Variants in SNRPA observed in about 807,000 individuals in gnomAD.
SNRPA encodes the protein small nuclear ribonucleoprotein polypeptide A.
Under a neutral mutation model 24.5 loss-of-function variants are expected in SNRPA, and 10 were observed. The ratio of observed to expected loss-of-function variants is 0.41; its 90% CI spans 0.25 to 0.69. The LOEUF (loss-of-function observed/expected upper bound fraction) is 0.69, where lower values mean the gene tolerates loss of function less well. SNRPA is among the 30% of genes least tolerant of loss of function. The pLI is 0.33. For missense variants in SNRPA, 283 were observed against 394.7 expected (o/e 0.72, Z 2.40); for synonymous variants, 165 against 148.4 (o/e 1.11, Z -0.81).
chr19:40,751,739 C>T (rs542330120), intron 1 of SNRPA, among the ~76,000 whole-genome samples: 1 of 152,294 alleles, frequency 6.6e-6, no homozygotes, highest in South Asian at 2.1e-4. Flanking sequence ...TGCCTTGTCC[C>T]TTCACGTGGC....
chr19:40,756,882 A>G (rs1218477697), intron 1 of SNRPA, among the ~76,000 whole-genome samples: 1 of 152,188 alleles, frequency 6.6e-6, no homozygotes, highest in Non-Finnish European at 1.5e-5. Flanking sequence ...GAGAGCAGCC[A>G]GTTCAAAGGC....
intron 1 of SNRPA, among the ~76,000 whole-genome samples, chr19:40,753,391 T>TTTTTTTG (rs2082893534): frequency 5.2e-5 from 5 of 95,470 alleles, no homozygotes; most frequent in Admixed American, 4.0e-4. Flanking sequence ...TATGTTTTTT[T>TTTTTTTG]TTTTTTTTTT....
intron 2 of SNRPA, 135 bp from the exon 3 acceptor site, chr19:40,759,296 C>T (rs736625): frequency 0.64 from 473,101 of 743,510 alleles, 152,770 homozygotes; most frequent in Admixed American, 0.71. Flanking sequence ...GTGATCTGCT[C>T]GCTTTAGCCT....
rs1008551715 is a variant in SNRPA at position 40,759,570 on chromosome 19, G to T, written c.386G>T (p.Gly129Val). 9.9e-6 allele frequency: 16 copies of T among 1,613,618 alleles called. 1 individual carries two copies. The South Asian group carries it at 1.3e-4, about 13-fold the overall frequency. The change falls in exon 3 of 6, where the codon GGA (glycine) becomes GTA (valine). Residue 129 changes from glycine (G) to valine (V), a missense_variant. Gly to Val is a moderately radical substitution (Grantham distance 109, BLOSUM62 -3). Coordinates refer to ENST00000243563, the MANE Select transcript of SNRPA (RefSeq NM_004596.5). ...PATKKAVQGG[G>V]ATPVVGAVQG... Reference sequence around the variant, plus strand: ...ACCAAGAAGGCTGTGCAAGGCGGGGGAGCCACCCCCGTGGTGGGGGCTGTC... The same window carrying T: ...ACCAAGAAGGCTGTGCAAGGCGGGGTAGCCACCCCCGTGGTGGGGGCTGTC...
intron 1 of SNRPA, among the ~76,000 whole-genome samples, chr19:40,756,191 C>T (rs1209655774): frequency 6.6e-6 from 1 of 151,554 alleles, no homozygotes. Flanking sequence ...ATTGCTTGAG[C>T]CTGGGAGGTC....
chr19:40,760,112 C>T (rs1033396354), intron 3 of SNRPA, among the ~76,000 whole-genome samples: 49 of 152,070 alleles, frequency 3.2e-4, no homozygotes, highest in African/African-American at 1.1e-3. Flanking sequence ...CTACAACCTC[C>T]GCCTCCCAGG....
At chr19:40,757,073 C>T (rs939796957) in intron 1 of SNRPA, 13 of 452,424 alleles carry the variant, frequency 2.9e-5, no homozygotes, top group Middle Eastern at 6.3e-4. Context: ...TACTACGTGC[C>T]GGATGCTGTC....
rs926120343 is a variant in SNRPA at position 40,765,275 on chromosome 19, G to A, written c.*108G>A. ...CCCCCTTGGGGGCCTTCTTGGAGCC[G>A]TGTGTGAGTGAGTGGTCGCCACACA... On this transcript the variant is annotated 3_prime_UTR_variant, in exon 6 of 6. Coordinates refer to ENST00000243563, the MANE Select transcript of SNRPA (RefSeq NM_004596.5). 84 of 630,348 alleles carry A rather than the reference G, an allele frequency of 1.3e-4. No individual in the cohort carries two copies. The highest frequency in any genetic ancestry group is 1.9e-4 in the Non-Finnish European group (76 of 398,868). The allele number at this position is 630,348 out of a possible 1,614,324, so 39.0% of individuals were successfully genotyped here. A position where few individuals can be genotyped will look rare whatever the true frequency, so the allele number is the denominator to read the frequency against.
chr19:40,758,289 C>T (rs561450488), intron 2 of SNRPA, among the ~76,000 whole-genome samples: 3 of 152,236 alleles, frequency 2.0e-5, no homozygotes, highest in Admixed American at 2.0e-4. Context: ...CATACCTTCC[C>T]CTACTGAATA....
intron 1 of SNRPA, chr19:40,757,055 C>G (rs930781885): frequency 5.1e-6 from 2 of 392,670 alleles, no homozygotes; most frequent in African/African-American, 4.2e-5. Flanking sequence ...ACTCATTTAT[C>G]GAGTGTTTAC....
At chr19:40,751,587 C>G in intron 1 of SNRPA, 106 bp downstream of exon 1, 5 of 843,022 alleles carry the variant, frequency 5.9e-6, no homozygotes, top group Non-Finnish European at 1.0e-5. Flanking sequence ...AGCCAAACTT[C>G]GAGTTAACTC....
chr19:40,761,469 T>C (rs1263197416), intron 3 of SNRPA, among the ~76,000 whole-genome samples: 22 of 110,900 alleles, frequency 2.0e-4, no homozygotes, highest in African/African-American at 5.8e-4. Context: ...TTTTTTTTTT[T>C]TTTTTTTTTT....
chr19:40,764,282 A>C (rs2082945265), intron 5 of SNRPA, among the ~76,000 whole-genome samples: 1 of 152,164 alleles, frequency 6.6e-6, no homozygotes, highest in Non-Finnish European at 1.5e-5. Context: ...TACATGCAGC[A>C]TCTCACCATG....
chr19:40,754,134 C>T lies in SNRPA; in HGVS notation c.73+2653C>T, dbSNP rs567316249. On this transcript the variant is annotated intron_variant, in intron 1 of 5. Transcript: ENST00000243563. ...TTTTTTTTGAGATGAGACGGAGTGT[C>T]GCTCTGTTGCCCAGGCTGGAATGCA... Among the ~76,000 whole-genome samples, 222 of 117,806 alleles carry T rather than the reference C, an allele frequency of 1.9e-3. 1 individual carries two copies. The highest frequency in any genetic ancestry group is 6.7e-3 in the African/African-American group (216 of 32,266). 77.3% of individuals were successfully genotyped at this position (117,806 alleles called of 152,430 possible).
intron 1 of SNRPA, chr19:40,756,984 A>G (rs1191977043): frequency 1.1e-5 from 3 of 279,490 alleles, no homozygotes; most frequent in Admixed American, 5.1e-5. Flanking sequence ...AGGTGGGGGA[A>G]ATCTGCCAGG....
At chr19:40,752,986 C>A (rs1423589357) in intron 1 of SNRPA, among the ~76,000 whole-genome samples, 3 of 152,142 alleles carry the variant, frequency 2.0e-5, no homozygotes, top group Non-Finnish European at 4.4e-5. Context: ...CTTATCACTT[C>A]AAGAAAATTA....
chr19:40,763,506 G>C, intron 4 of SNRPA, 81 bp from the exon 5 acceptor site: 1 of 1,048,346 alleles, frequency 9.5e-7, no homozygotes, highest in Middle Eastern at 2.0e-4. Context: ...GCAGGGTGAG[G>C]GATGGAGGAA....
chr19:40,754,037 G>C (rs911463055), intron 1 of SNRPA, among the ~76,000 whole-genome samples: 2 of 150,488 alleles, frequency 1.3e-5, no homozygotes, highest in South Asian at 4.2e-4. Context: ...TCCTGACCTC[G>C]TGATCTGCCC....
intron 3 of SNRPA, 134 bp downstream of exon 3, chr19:40,759,744 G>A (rs2082923894): frequency 2.6e-6 from 2 of 758,210 alleles, no homozygotes; most frequent in Admixed American, 3.2e-5. Context: ...TTATAGAGAT[G>A]TGTTTCTCTC....
Sources: allele counts gnomAD v4.1 joint callset (sites outside exome capture counted in the v4.1 genomes callset), GRCh38; gene constraint gnomAD v4.1.1; transcripts MANE v1.5; gene names NCBI Gene and HGNC (gene_info 2026-07-23, HGNC 2026-07-21).